NBAS: variants seen among roughly 807,000 people sequenced by gnomAD.
NBAS encodes NBAS subunit of NRZ tethering complex.
Under a neutral mutation model 302.5 loss-of-function variants are expected in NBAS, and 219 were observed. That is an observed-to-expected ratio of 0.72 (90% CI 0.65 to 0.81). The LOEUF (loss-of-function observed/expected upper bound fraction) is 0.81, where lower values mean the gene tolerates loss of function less well. Ranked by LOEUF, NBAS falls within the 30% of genes least tolerant of loss-of-function variation. The pLI, the probability that NBAS is intolerant of heterozygous loss-of-function variation, is 0.00. For missense variants in NBAS, 2,932 were observed against 2,841.6 expected (o/e 1.03, Z -0.72); for synonymous variants, 1,118 against 1,021.6 (o/e 1.09, Z -1.80).
chr2:14,922,564 G>A, the NBAS span, among the ~76,000 whole-genome samples: 1 of 152,032 alleles, frequency 6.6e-6, no homozygotes, highest in African/African-American at 2.4e-5. Flanking sequence ...CACATCCCTG[G>A]CATCTCTCTC....
the NBAS span, among the ~76,000 whole-genome samples, chr2:14,836,620 A>G: frequency 6.6e-6 from 1 of 151,954 alleles, no homozygotes; most frequent in Non-Finnish European, 1.5e-5. Context: ...TATCTTAAGT[A>G]CTGTAGCTTT....
At position 15,467,388 on chromosome 2, in the gene NBAS, C is replaced by A. The variant is rs768021180; in HGVS notation, c.2038G>T (p.Glu680Ter). 2 of 1,613,196 alleles carry A rather than the reference C, an allele frequency of 1.2e-6. No homozygotes were observed. Among genetic ancestry groups the A allele is most frequent in the East Asian group, 4.5e-5 (2 of 44,808 alleles). Residue 680 changes from glutamate to a stop codon, truncating the protein, a stop_gained, in exon 19 of 52, where the codon GAA (glutamate) becomes TAA (stop). Coordinates refer to ENST00000281513, the MANE Select transcript of NBAS (RefSeq NM_015909.4). LOFTEE classifies it high-confidence loss of function. ...NFSKLTLEQK[E>*]LCRCRRKLLT... is the part of the protein sequence containing the mutation. Reference sequence around the variant, plus strand: ...AACTTCCGTCTACAACGGCAAAGTTCCTTTTGTTCCAGTGTCAACCTGTTT... The same window carrying A: ...AACTTCCGTCTACAACGGCAAAGTTACTTTTGTTCCAGTGTCAACCTGTTT...
Position 15,374,718 on chromosome 2 carries a change from C to T in NBAS, c.3593G>A (p.Cys1198Tyr). ...TCTGTCTGTTATCAGTTGTAAGCAG[C>T]ACCTAGAAGAAATTAGATAAATTTT... Reference protein sequence around the residue: ...LTDSCMDLARCCLQLITDRPP... With the variant: ...LTDSCMDLARYCLQLITDRPP... The change falls in exon 31 of 52, where the codon TGC becomes TAC. Residue 1198 changes from cysteine (C) to tyrosine (Y), a missense_variant and splice_region_variant. Physicochemically the swap from Cys to Tyr is radical, Grantham distance 194 (BLOSUM62 -2). Transcript: ENST00000281513. 6.2e-7 allele frequency: 1 copy of T among 1,612,506 alleles called. No homozygotes were observed. Among genetic ancestry groups the T allele is most frequent in the Non-Finnish European group, 8.5e-7 (1 of 1,178,696 alleles).
At chr2:15,544,600 C>A (rs552892959) in intron 6 of NBAS, among the ~76,000 whole-genome samples, 4 of 152,136 alleles carry the variant, frequency 2.6e-5, no homozygotes, top group African/African-American at 9.6e-5. Context: ...CAATGTCTGA[C>A]AAACAATAAT....
intron 11 of NBAS, among the ~76,000 whole-genome samples, chr2:15,491,766 A>C (rs1680866981): frequency 6.6e-6 from 1 of 152,042 alleles, no homozygotes. Flanking sequence ...AAAAAGAAAA[A>C]TACACAGGTT....
intron 40 of NBAS, among the ~76,000 whole-genome samples, chr2:15,306,431 C>G (rs1049356295): frequency 1.3e-5 from 2 of 152,090 alleles, no homozygotes; most frequent in African/African-American, 4.8e-5. Flanking sequence ...GTGATGGTGT[C>G]CTGGGAGAGT....
chr2:15,514,338 GA>G (rs1185725301), intron 9 of NBAS, among the ~76,000 whole-genome samples: 1 of 151,960 alleles, frequency 6.6e-6, no homozygotes, highest in Non-Finnish European at 1.5e-5. Context: ...CATTTGATAG[GA>G]AAAAAATCCT....
At chr2:15,272,093 C>T (rs78937994) in intron 44 of NBAS, among the ~76,000 whole-genome samples, 5,731 of 152,214 alleles carry the variant, frequency 0.038, 389 homozygotes, top group African/African-American at 0.13. Flanking sequence ...ATGTAAATGG[C>T]AATGGAATGA....
chr2:15,500,950 C>T (rs1033481448), intron 11 of NBAS, among the ~76,000 whole-genome samples: 1 of 151,418 alleles, frequency 6.6e-6, no homozygotes, highest in Non-Finnish European at 1.5e-5. Context: ...AGAAAAGATC[C>T]AAGCCAATAT....
At position 15,319,517 on chromosome 2, in the gene NBAS, G is replaced by A. The variant is rs543919195; in HGVS notation, c.4582+8233C>T. ...AACCACTAGCAAGAGCAATAAAGAG[G>A]AAAGAGAGAAGAATCAAACAGATGC... is the stretch of plus-strand genomic sequence containing the variant. On this transcript the variant is annotated intron_variant, in intron 38 of 51. Coordinates refer to ENST00000281513, the MANE Select transcript of NBAS (RefSeq NM_015909.4). Among the ~76,000 whole-genome samples, 10 of 151,768 alleles carry A rather than the reference G, an allele frequency of 6.6e-5. No homozygotes were observed. The East Asian group carries it at 1.9e-3, about 29-fold the overall frequency.
chr2:15,535,934 G>A (rs931831410), intron 8 of NBAS, among the ~76,000 whole-genome samples: 9 of 152,126 alleles, frequency 5.9e-5, no homozygotes, highest in East Asian at 1.9e-4. Flanking sequence ...AGATTTACTC[G>A]GAAGGGGCAT....
chr2:15,029,600 A>C, the NBAS span, among the ~76,000 whole-genome samples: 1 of 152,208 alleles, frequency 6.6e-6, no homozygotes, highest in Admixed American at 6.5e-5. Flanking sequence ...TCACGGTAGG[A>C]AGTATATGAG....
intron 25 of NBAS, among the ~76,000 whole-genome samples, chr2:15,407,659 A>C (rs1244803209): frequency 6.6e-6 from 1 of 152,116 alleles, no homozygotes; most frequent in Non-Finnish European, 1.5e-5. Context: ...TTTAAAAAAG[A>C]CCCTCAATGG....
intron 8 of NBAS, among the ~76,000 whole-genome samples, chr2:15,535,565 A>AAC (rs1315864463): frequency 7.4e-6 from 1 of 135,816 alleles, no homozygotes; most frequent in African/African-American, 3.2e-5. Flanking sequence ...TAAATAAATA[A>AAC]AAATAAAAAA....
chr2:15,281,730 T>C (rs902154518), intron 42 of NBAS, among the ~76,000 whole-genome samples: 1 of 152,194 alleles, frequency 6.6e-6, no homozygotes, highest in African/African-American at 2.4e-5. Flanking sequence ...TGCAGCAGGT[T>C]TGCATAATTT....
intron 21 of NBAS, among the ~76,000 whole-genome samples, chr2:15,455,313 T>G (rs182274181): frequency 6.6e-6 from 1 of 152,332 alleles, no homozygotes; most frequent in Admixed American, 6.5e-5. Context: ...CACTAAATAA[T>G]TCTGTATAAT....
At chr2:15,270,886 C>T (rs1572563182) in intron 44 of NBAS, among the ~76,000 whole-genome samples, 1 of 152,130 alleles carries the variant, frequency 6.6e-6, no homozygotes, top group East Asian at 1.9e-4. Context: ...CTGAATCTGA[C>T]ATATGGCATC....
chr2:15,064,772 G>A, the NBAS span, among the ~76,000 whole-genome samples: 10 of 152,022 alleles, frequency 6.6e-5, no homozygotes, highest in Admixed American at 4.6e-4. Context: ...TACCAAAAAC[G>A]AAACAGAACA....
At position 15,534,607 on chromosome 2, in the gene NBAS, AGT is replaced by A; in HGVS notation, c.680_681del (p.His227LeufsTer6). 6.2e-7 allele frequency: 1 copy of A among 1,613,908 alleles called. No homozygotes were observed. ...GGATAATGACTACTGAAGCTGAAAC[AGT>A]GACTTTCTTGGTAGCTCTGATTTGT... ...VGTNQSYQES[H>X]CFSFSSHYPH... On this transcript the variant is annotated frameshift_variant, in exon 9 of 52. Transcript: ENST00000281513. LOFTEE classifies it high-confidence loss of function.
Sources: allele counts gnomAD v4.1 joint callset (sites outside exome capture counted in the v4.1 genomes callset), GRCh38; gene constraint gnomAD v4.1.1; transcripts MANE v1.5; gene names NCBI Gene and HGNC (gene_info 2026-07-23, HGNC 2026-07-21).